CCDC73: variants seen among roughly 807,000 people sequenced by gnomAD.
The protein encoded by CCDC73 is coiled-coil domain containing 73.
Under a neutral mutation model 116.5 loss-of-function variants are expected in CCDC73, and 95 were observed. The ratio of observed to expected loss-of-function variants is 0.82; its 90% CI spans 0.69 to 0.97. The LOEUF is 0.97. Among genes scored for constraint, CCDC73 ranks in the 50% least tolerant of loss-of-function variants. The probability of loss-of-function intolerance (pLI) is 0.00; values close to 1 mark genes in which losing one functional copy is unlikely to be tolerated. For synonymous variants in CCDC73, 398 were observed against 401.3 expected (o/e 0.99, Z 0.10); for missense variants, 1,066 against 1,206.8 (o/e 0.88, Z 1.73).
chr11:32,797,650 T>A (rs1392906517), upstream of CCDC73, among the ~76,000 whole-genome samples: 1 of 152,236 alleles, frequency 6.6e-6, no homozygotes, highest in South Asian at 2.1e-4. Flanking sequence ...TCTCTCCTAA[T>A]AGACTGTGAA....
chr11:32,726,995 GTCA>G (rs1288678056), intron 2 of CCDC73, among the ~76,000 whole-genome samples: 2 of 152,110 alleles, frequency 1.3e-5, no homozygotes, highest in Non-Finnish European at 2.9e-5. Flanking sequence ...ATTGCATTTA[GTCA>G]TCATGTCTCC....
intron 17 of CCDC73, chr11:32,604,724 C>T (rs1236306849): frequency 6.6e-6 from 1 of 152,190 alleles, no homozygotes; most frequent in Non-Finnish European, 1.5e-5. Flanking sequence ...CAGTGATTAT[C>T]ATTTGTTCAT....
chr11:32,722,837 G>A (rs1850001776), intron 2 of CCDC73, among the ~76,000 whole-genome samples: 1 of 152,038 alleles, frequency 6.6e-6, no homozygotes, highest in Admixed American at 6.6e-5. Flanking sequence ...ATTGAATCCT[G>A]GACATAATAT....
At chr11:32,766,836 G>T (rs557615192) in intron 1 of CCDC73, among the ~76,000 whole-genome samples, 1 of 152,042 alleles carries the variant, frequency 6.6e-6, no homozygotes, top group Non-Finnish European at 1.5e-5. Flanking sequence ...TAAACAAATG[G>T]AACAACATTC....
intron 17 of CCDC73, chr11:32,606,067 C>T (rs1401436983): frequency 6.6e-6 from 1 of 151,616 alleles, no homozygotes; most frequent in African/African-American, 2.4e-5. Flanking sequence ...CATCCTCATT[C>T]CTGGATATAA....
chr11:32,697,098 G>C (rs1255895924), intron 6 of CCDC73, among the ~76,000 whole-genome samples: 1 of 151,730 alleles, frequency 6.6e-6, no homozygotes, highest in African/African-American at 2.4e-5. Flanking sequence ...GCCTCCCAAA[G>C]TGCTGGGACT....
chr11:32,759,969 C>G (rs975185875), intron 2 of CCDC73, 140 bp downstream of exon 2: 13 of 686,574 alleles, frequency 1.9e-5, no homozygotes, highest in Admixed American at 2.9e-5. Context: ...CTGTCCTATT[C>G]TCTTTTACTT....
chr11:32,764,875 T>C (rs1002968659), intron 1 of CCDC73, among the ~76,000 whole-genome samples: 3 of 152,144 alleles, frequency 2.0e-5, no homozygotes, highest in Non-Finnish European at 4.4e-5. Context: ...ACCCATCTCA[T>C]GTGCAGAGAC....
Position 32,611,123 on chromosome 11 carries a change from T to C in CCDC73, c.3030+9A>G, listed in dbSNP as rs1377563258. 1 of 1,613,376 alleles carries C rather than the reference T, an allele frequency of 6.2e-7. No homozygotes were observed. Among genetic ancestry groups the C allele is most frequent in the Non-Finnish European group, 8.5e-7 (1 of 1,179,678 alleles). On this transcript the variant is annotated intron_variant, in intron 17 of 17. Coordinates refer to ENST00000335185, the MANE Select transcript of CCDC73 (RefSeq NM_001008391.4). ...AAGGTCTGCTCGGCAATATTTTTAA[T>C]TGACTTACATGTTCTGTGGGAAAAG...
At chr11:32,663,172 T>C (rs1356273851) in intron 9 of CCDC73, among the ~76,000 whole-genome samples, 1 of 151,658 alleles carries the variant, frequency 6.6e-6, no homozygotes, top group African/African-American at 2.4e-5. Flanking sequence ...GCAATGCGTG[T>C]CTTTTTTGGT....
intron 14 of CCDC73, among the ~76,000 whole-genome samples, chr11:32,623,029 G>T (rs1275824085): frequency 1.3e-5 from 2 of 151,850 alleles, no homozygotes; most frequent in African/African-American, 4.8e-5. Flanking sequence ...TATTTTTTGA[G>T]ATGGAGTTTC....
intron 6 of CCDC73, among the ~76,000 whole-genome samples, chr11:32,691,824 G>A (rs1272371705): frequency 5.3e-5 from 8 of 151,968 alleles, no homozygotes; most frequent in Admixed American, 2.6e-4. Context: ...CGAGGTGGGC[G>A]GATCACGAGG....
the CCDC73 span, among the ~76,000 whole-genome samples, chr11:32,811,982 T>A: frequency 6.6e-6 from 1 of 152,118 alleles, no homozygotes; most frequent in Non-Finnish European, 1.5e-5. Context: ...TTACAAACAA[T>A]GCTGCCAGAA....
chr11:32,799,714 C>T, the CCDC73 span, among the ~76,000 whole-genome samples: 1 of 152,104 alleles, frequency 6.6e-6, no homozygotes, highest in East Asian at 1.9e-4. Flanking sequence ...AGACCTAGAG[C>T]TGGTTAGAAT....
chr11:32,821,460 C>T, the CCDC73 span, among the ~76,000 whole-genome samples: 2 of 152,258 alleles, frequency 1.3e-5, no homozygotes, highest in South Asian at 4.1e-4. Flanking sequence ...AGTCCTTTTA[C>T]TTATTTTACT....
intron 1 of CCDC73, among the ~76,000 whole-genome samples, chr11:32,776,960 T>TACAC (rs61055031): frequency 4.8e-4 from 18 of 37,840 alleles, no homozygotes; most frequent in Non-Finnish European, 9.8e-4. Context: ...TATATATATA[T>TACAC]ACACACACAC....
intron 2 of CCDC73, among the ~76,000 whole-genome samples, chr11:32,742,098 G>T (rs967952551): frequency 1.3e-5 from 2 of 152,112 alleles, no homozygotes; most frequent in African/African-American, 4.8e-5. Context: ...TTGCTATTGT[G>T]AATAGTGCCG....
In CCDC73 at chr11:32,699,401, A is replaced by G. The variant is rs114509787; in HGVS notation, c.316-76T>C. 992 of 1,345,532 alleles carry G rather than the reference A, an allele frequency of 7.4e-4. 9 individuals carry two copies. In the African/African-American group the frequency reaches 0.014, roughly 19 times the overall value. 83.3% of individuals were successfully genotyped at this position (1,345,532 alleles called of 1,614,324 possible). A position where few individuals can be genotyped will look rare whatever the true frequency, so the allele number is the denominator to read the frequency against. On this transcript the variant is annotated intron_variant, in intron 5 of 17. Coordinates refer to ENST00000335185, the MANE Select transcript of CCDC73 (RefSeq NM_001008391.4). ...AAAGGGTAAAATATAAGAGCTCAAG[A>G]ACCCTTTAAGTAAAAAACTGTATTT...
chr11:32,821,445 A>T, the CCDC73 span, among the ~76,000 whole-genome samples: 4 of 152,238 alleles, frequency 2.6e-5, no homozygotes, highest in African/African-American at 4.8e-5. Context: ...TTAACAGTTT[A>T]AAAAAGTCCT....
Sources: allele counts gnomAD v4.1 joint callset (sites outside exome capture counted in the v4.1 genomes callset), GRCh38; gene constraint gnomAD v4.1.1; transcripts MANE v1.5; gene names NCBI Gene and HGNC (gene_info 2026-07-23, HGNC 2026-07-21).